Variants in WSCD1 observed in about 807,000 individuals in gnomAD.
WSCD1 encodes WSC domain sialate O sulfotransferase 1.
A neutral mutation model predicts 60.4 loss-of-function variants in WSCD1; 41 were observed. That is an observed-to-expected ratio of 0.68 (90% CI 0.53 to 0.88). The LOEUF (loss-of-function observed/expected upper bound fraction) is 0.88, where lower values mean the gene tolerates loss of function less well. WSCD1 is among the 40% of genes least tolerant of loss of function. The pLI is 0.00. For synonymous variants in WSCD1, 361 were observed against 332.5 expected, an observed-to-expected ratio of 1.09 and a Z score of -0.93; for missense variants, 784 against 796.2, an observed-to-expected ratio of 0.98 and a Z score of 0.18.
intron 5 of WSCD1, among the ~76,000 whole-genome samples, chr17:6,104,294 C>A (rs183595432): frequency 6.6e-5 from 10 of 152,350 alleles, no homozygotes; most frequent in Non-Finnish European, 1.5e-4. Context: ...GGCCCCACCT[C>A]CAACATTGGG....
At chr17:6,098,860 G>C (rs1320201210) in intron 5 of WSCD1, among the ~76,000 whole-genome samples, 1 of 152,222 alleles carries the variant, frequency 6.6e-6, no homozygotes, top group Non-Finnish European at 1.5e-5. Flanking sequence ...CAGAGTAAGG[G>C]CAGTGCCTGA....
intron 5 of WSCD1, among the ~76,000 whole-genome samples, chr17:6,106,698 C>CAGAT (rs2150562362): frequency 6.6e-6 from 1 of 152,216 alleles, no homozygotes; most frequent in Non-Finnish European, 1.5e-5. Flanking sequence ...AGCATGTCAT[C>CAGAT]AGATAGGTTA....
chr17:6,120,199 G>T, intron 8 of WSCD1, 110 bp from the exon 9 acceptor site: 1 of 1,179,032 alleles, frequency 8.5e-7, no homozygotes. Flanking sequence ...ACTCTAGGCA[G>T]TGGACAGTGG....
chr17:6,092,154 C>CAAA (rs71372642), intron 4 of WSCD1, among the ~76,000 whole-genome samples: 16 of 65,656 alleles, frequency 2.4e-4, no homozygotes, highest in African/African-American at 7.9e-4. Context: ...ACTCTGTCTC[C>CAAA]AAAAAAAAAA....
intron 5 of WSCD1, among the ~76,000 whole-genome samples, chr17:6,096,661 A>T (rs1910453524): frequency 6.6e-6 from 1 of 152,230 alleles, no homozygotes; most frequent in African/African-American, 2.4e-5. Flanking sequence ...TGGCCTGGGG[A>T]CCTCCTCATC....
At chr17:6,081,107 G>C in intron 2 of WSCD1, 22 bp downstream of exon 2, 1 of 1,523,752 alleles carries the variant, frequency 6.6e-7, no homozygotes, top group Non-Finnish European at 8.8e-7. Context: ...GCTGCATTTG[G>C]GGGAGCTGTT....
chr17:6,109,807 G>T (rs1301649762), intron 6 of WSCD1, 41 bp downstream of exon 6: 7 of 1,594,292 alleles, frequency 4.4e-6, no homozygotes, highest in South Asian at 2.3e-5. Context: ...ATTTGGTCTG[G>T]GGGGTGGGGA....
intron 4 of WSCD1, 113 bp downstream of exon 4, chr17:6,090,618 T>C (rs1909971935): frequency 5.0e-6 from 7 of 1,401,408 alleles, no homozygotes; most frequent in South Asian, 4.0e-5. Context: ...TGCCAACCTC[T>C]GCCCTCCCTT....
intron 3 of WSCD1, 40 bp downstream of exon 3, chr17:6,088,144 G>A (rs779810513): frequency 6.4e-7 from 1 of 1,569,902 alleles, no homozygotes; most frequent in South Asian, 1.1e-5. Flanking sequence ...CTAGAGGCAG[G>A]AAGGTCCAGG....
intron 2 of WSCD1, 35 bp downstream of exon 2, chr17:6,081,120 C>G: frequency 6.6e-7 from 1 of 1,506,818 alleles, no homozygotes; most frequent in South Asian, 1.2e-5. Flanking sequence ...GAGCTGTTCC[C>G]AGGACCCCCC....
rs527337396 is a variant in WSCD1, at chr17:6,090,624, C to A, written c.727+119C>A. On this transcript the variant is annotated intron_variant, in intron 4 of 8. Coordinates refer to ENST00000317744, the MANE Select transcript of WSCD1 (RefSeq NM_015253.2). ...CAGAACCTGTGCCAACCTCTGCCCT[C>A]CCTTCCCTATTGCCATCACTGGACA... The A allele has an allele frequency of 6.0e-5, 82 of 1,360,964 alleles. No homozygotes were observed. In the African/African-American group the frequency reaches 1.0e-3, roughly 17 times the overall value. 84.3% of individuals were successfully genotyped at this position (1,360,964 alleles called of 1,614,324 possible). A position where few individuals can be genotyped will look rare whatever the true frequency, so the allele number is the denominator to read the frequency against.
At chr17:6,076,274 G>A (rs1472877612) in intron 1 of WSCD1, among the ~76,000 whole-genome samples, 3 of 152,200 alleles carry the variant, frequency 2.0e-5, no homozygotes, top group Non-Finnish European at 4.4e-5. Flanking sequence ...GAGGAAATGA[G>A]ATGGTGCAGG....
rs569967395 is a variant in WSCD1, at chr17:6,075,687, G to C, written c.-288-4684G>C. On this transcript the variant is annotated intron_variant, in intron 1 of 8. Coordinates refer to ENST00000317744, the MANE Select transcript of WSCD1 (RefSeq NM_015253.2). This position sits in a 1 kb window ranked among gnomAD's most constrained non-coding sequence, Gnocchi z 4.1. The stretch of plus-strand genomic sequence containing the variant: ...CCCAGGCCCTGCTCTTCTGTAGGGT[G>C]ACCCCAGGACAGGGCAGTGGGTGTG... Among the ~76,000 whole-genome samples, 1 of 152,260 alleles carries C rather than the reference G, an allele frequency of 6.6e-6. No homozygotes were observed. Among genetic ancestry groups the C allele is most frequent in the African/African-American group, 2.4e-5 (1 of 41,552 alleles).
intron 1 of WSCD1, among the ~76,000 whole-genome samples, chr17:6,076,645 A>G (rs930152536): frequency 1.3e-5 from 2 of 152,358 alleles, no homozygotes; most frequent in East Asian, 3.9e-4. Flanking sequence ...AATGAGCCTG[A>G]GGCCCTGCCC....
intron 1 of WSCD1, among the ~76,000 whole-genome samples, chr17:6,079,431 C>T (rs116702052): frequency 0.014 from 2,112 of 152,310 alleles, 41 homozygotes; most frequent in African/African-American, 0.047. Flanking sequence ...TTCAGAGGTG[C>T]CGCCAATGAG....
Position 6,070,401 on chromosome 17 carries a change from CCGCCCGCTGCCCGCCCCGGCTCCG to C in WSCD1, c.-532_-509del, listed in dbSNP as rs1206906401. ...TGTGCAGAGCCCGGCGCCCGCTCGCCCGCCCGCTGCCCGCCCCGGCTCCGCGCCCGCCCGCCCGCCCCGCCGTTC... is the reference window on the plus strand; with the variant it reads ...TGTGCAGAGCCCGGCGCCCGCTCGCCCGCCCGCCCGCCCGCCCCGCCGTTC... On this transcript the variant is annotated 5_prime_UTR_variant, in exon 1 of 9. Coordinates refer to ENST00000317744, the MANE Select transcript of WSCD1 (RefSeq NM_015253.2). 4 of 146,856 alleles carry C rather than the reference CCGCCCGCTGCCCGCCCCGGCTCCG, an allele frequency of 2.7e-5. No individual in the cohort carries two copies. The highest frequency in any genetic ancestry group is 9.8e-5 in the African/African-American group (4 of 40,754). 9.1% of individuals were successfully genotyped at this position (146,856 alleles called of 1,614,324 possible).
intron 5 of WSCD1, among the ~76,000 whole-genome samples, chr17:6,108,316 G>T (rs1245937021): frequency 6.6e-6 from 1 of 152,174 alleles, no homozygotes; most frequent in Non-Finnish European, 1.5e-5. Flanking sequence ...GGTTTGTGCA[G>T]TGTTCCCCTT....
At chr17:6,094,570 A>AGGAAAAGGAAGGAG (rs71154639) in intron 4 of WSCD1, among the ~76,000 whole-genome samples, 1 of 148,638 alleles carries the variant, frequency 6.7e-6, no homozygotes, top group African/African-American at 2.5e-5. Context: ...GAAGGAAGGA[A>AGGAAAAGGAAGGAG]AAGGAAGGAG....
chr17:6,108,378 C>T (rs118148724), intron 5 of WSCD1, among the ~76,000 whole-genome samples: 2,048 of 152,308 alleles, frequency 0.013, 29 homozygotes, highest in Middle Eastern at 0.027. Flanking sequence ...CACACACACT[C>T]ACAGATTACT....
Sources: allele counts gnomAD v4.1 joint callset (sites outside exome capture counted in the v4.1 genomes callset), GRCh38; gene constraint gnomAD v4.1.1; non-coding constraint Gnocchi (gnomAD v3.1); transcripts MANE v1.5; gene names NCBI Gene and HGNC (gene_info 2026-07-23, HGNC 2026-07-21).